Variants in MINDY4B observed in about 807,000 individuals in gnomAD.
MINDY4B encodes the protein inactive ubiquitin carboxyl-terminal hydrolase MINDY-4B.
A neutral mutation model predicts 16.7 loss-of-function variants in MINDY4B; 25 were observed. That is an observed-to-expected ratio of 1.49 (90% CI 1.09 to 2.09). MINDY4B has a LOEUF of 2.09. Among genes scored for constraint, MINDY4B ranks in the 30% most tolerant of loss-of-function variants. MINDY4B has a pLI of 0.00. For missense variants in MINDY4B, 327 were observed against 168.4 expected (o/e 1.94, Z -5.21); for synonymous variants, 132 against 61.9 (o/e 2.13, Z -5.32).
intron 10 of MINDY4B, 52 bp downstream of exon 10, chr3:150,882,845 T>C (rs1437674550): frequency 3.1e-6 from 2 of 651,812 alleles, no homozygotes; most frequent in African/African-American, 3.6e-5. Context: ...ACTTTTAAAC[T>C]GTTAAAATAT....
chr3:150,877,175 A>G (rs2107896184), intron 10 of MINDY4B, among the ~76,000 whole-genome samples: 2 of 152,312 alleles, frequency 1.3e-5, no homozygotes, highest in Middle Eastern at 6.8e-3. Context: ...AGGCAGCATT[A>G]CAGGATGGGT....
rs760739057 is a variant in MINDY4B, at chr3:150,883,035, A to G, written c.921T>C (p.Thr307=). The part of the protein sequence containing the change: ...CRQAVLNMIL[T]GRASPNVFNG... ...TGAAGACATTGGGACTTGCTCTTCC[A>G]GTTAAAATCATGTTCAGAACTGCCT... Residue 307 remains threonine, a synonymous_variant, in exon 10 of 12, where the codon ACT becomes ACC. Coordinates refer to ENST00000465419, the MANE Select transcript of MINDY4B (RefSeq NM_001351281.2). 1 of 701,852 alleles carries G rather than the reference A, an allele frequency of 1.4e-6. No homozygotes were observed. Among genetic ancestry groups the G allele is most frequent in the South Asian group, 1.5e-5 (1 of 67,510 alleles). The allele number at this position is 701,852 out of a possible 1,614,324, so 43.5% of individuals were successfully genotyped here. A position where few individuals can be genotyped will look rare whatever the true frequency, so the allele number is the denominator to read the frequency against.
intron 3 of MINDY4B, among the ~76,000 whole-genome samples, chr3:150,899,050 T>C (rs189563654): frequency 3.3e-5 from 5 of 152,322 alleles, no homozygotes; most frequent in South Asian, 2.1e-4. Context: ...CTAGACCAAC[T>C]AACAGAGTAG....
At chr3:150,874,769 A>G (rs1157658631) in intron 10 of MINDY4B, among the ~76,000 whole-genome samples, 1 of 152,226 alleles carries the variant, frequency 6.6e-6, no homozygotes, top group African/African-American at 2.4e-5. Context: ...CAAGTATTAA[A>G]GGCTAATAAC....
Position 150,902,948 on chromosome 3 carries a change from C to T in MINDY4B, c.309+301G>A, listed in dbSNP as rs530333292. 1.4e-4 allele frequency among the ~76,000 whole-genome samples: 21 copies of T among 152,260 alleles called. No homozygotes were observed. In the South Asian group the frequency reaches 4.4e-3, roughly 32 times the overall value. ...ACAGTCTGCCACTTAGAGAGTCTGT[C>T]CTATCCTACCTTCTATAGTGAGTTA... On this transcript the variant is annotated intron_variant, in intron 3 of 11. Coordinates refer to ENST00000465419, the MANE Select transcript of MINDY4B (RefSeq NM_001351281.2).
At chr3:150,904,244 T>G (rs1036414521) in intron 2 of MINDY4B, among the ~76,000 whole-genome samples, 1 of 152,246 alleles carries the variant, frequency 6.6e-6, no homozygotes, top group Non-Finnish European at 1.5e-5. Flanking sequence ...TTTTTTTCTT[T>G]TAAAGATTGT....
intron 6 of MINDY4B, chr3:150,890,617 C>T: frequency 4.1e-6 from 2 of 492,488 alleles, no homozygotes; most frequent in Non-Finnish European, 7.2e-6. Flanking sequence ...ATATCTTGAG[C>T]AGTAAAACTA....
At chr3:150,886,140 G>A (rs1711616451) in intron 7 of MINDY4B, among the ~76,000 whole-genome samples, 1 of 152,164 alleles carries the variant, frequency 6.6e-6, no homozygotes, top group African/African-American at 2.4e-5. Context: ...GCAATCTCTA[G>A]GATCAAATCT....
rs191426250 is a variant in MINDY4B, at chr3:150,892,813, G to A, written c.521+511C>T. The stretch of plus-strand genomic sequence containing the variant: ...AAAAAAAAAATACAAAAAATTAGCC[G>A]GGTGTAATCCCAGCTACTCAGGAGG... On this transcript the variant is annotated intron_variant, in intron 5 of 11. Coordinates refer to ENST00000465419, the MANE Select transcript of MINDY4B (RefSeq NM_001351281.2). Among the ~76,000 whole-genome samples the A allele has an allele frequency of 1.5e-4, 22 of 151,194 alleles. No individual in the cohort carries two copies. In the East Asian group the frequency reaches 2.1e-3, roughly 15 times the overall value.
chr3:150,883,582 T>G, intron 9 of MINDY4B, 118 bp downstream of exon 9: 1 of 639,932 alleles, frequency 1.6e-6, no homozygotes, highest in East Asian at 2.7e-5. Flanking sequence ...AGAGAATATA[T>G]TTAATTAGAA....
intron 7 of MINDY4B, among the ~76,000 whole-genome samples, chr3:150,887,440 C>T (rs1353138640): frequency 1.3e-5 from 2 of 152,224 alleles, no homozygotes; most frequent in African/African-American, 2.4e-5. Flanking sequence ...AGAGGGACTA[C>T]TGTATTAATA....
chr3:150,885,451 G>GAAAAT lies in MINDY4B; in HGVS notation c.754-14_754-13insATTTT, dbSNP rs1421605141. 1.5e-6 allele frequency: 1 copy of GAAAAT among 653,314 alleles called. No individual in the cohort carries two copies. Among genetic ancestry groups the GAAAAT allele is most frequent in the Non-Finnish European group, 2.8e-6 (1 of 361,514 alleles). 40.5% of individuals were successfully genotyped at this position (653,314 alleles called of 1,614,324 possible). ...CTTCCCCTCTGAACTGTTCGGAAAA[G>GAAAAT]AAAAGAAAAGCATGTTGGTCTAAAA... On this transcript the variant is annotated splice_polypyrimidine_tract_variant and intron_variant, in intron 7 of 11. Coordinates refer to ENST00000465419, the MANE Select transcript of MINDY4B (RefSeq NM_001351281.2).
chr3:150,879,505 T>G (rs35865179), intron 10 of MINDY4B, among the ~76,000 whole-genome samples: 2,612 of 152,314 alleles, frequency 0.017, 35 homozygotes, highest in African/African-American at 0.029. Flanking sequence ...CTGGTTGCAC[T>G]TTAGAATCAT....
intron 9 of MINDY4B, among the ~76,000 whole-genome samples, chr3:150,883,313 C>A (rs1045345875): frequency 6.6e-6 from 1 of 152,092 alleles, no homozygotes; most frequent in Non-Finnish European, 1.5e-5. Flanking sequence ...TTTTACAGTT[C>A]TTTTAAACGT....
intron 8 of MINDY4B, 68 bp from the exon 9 acceptor site, chr3:150,883,840 C>T (rs1205993846): frequency 2.9e-6 from 2 of 692,816 alleles, no homozygotes; most frequent in Non-Finnish European, 5.3e-6. Flanking sequence ...AGCTTCTTTT[C>T]CCCCAAAACA....
chr3:150,896,645 C>G (rs1224430667), intron 3 of MINDY4B, among the ~76,000 whole-genome samples: 2 of 152,196 alleles, frequency 1.3e-5, no homozygotes, highest in Non-Finnish European at 2.9e-5. Context: ...ATTGTTATCT[C>G]TCTTCTGGAT....
chr3:150,880,155 G>A (rs561090194), intron 10 of MINDY4B, among the ~76,000 whole-genome samples: 1 of 152,262 alleles, frequency 6.6e-6, no homozygotes, highest in Middle Eastern at 3.2e-3. Context: ...TGTTGTAAGT[G>A]AGGAAACAGG....
chr3:150,897,192 A>G lies in MINDY4B; in HGVS notation c.310-2887T>C, dbSNP rs550678081. ...CACAGACACACATCTCACACTCTGG[A>G]ACATGCCACACACCAGCCTGTTACC... On this transcript the variant is annotated intron_variant, in intron 3 of 11. Coordinates refer to ENST00000465419, the MANE Select transcript of MINDY4B (RefSeq NM_001351281.2). 5.3e-5 allele frequency among the ~76,000 whole-genome samples: 8 copies of G among 152,222 alleles called. No individual in the cohort carries two copies. In the East Asian group the frequency reaches 1.5e-3, roughly 29 times the overall value.
intron 3 of MINDY4B, among the ~76,000 whole-genome samples, chr3:150,895,356 T>C (rs981379357): frequency 6.6e-6 from 1 of 152,222 alleles, no homozygotes; most frequent in Admixed American, 6.5e-5. Flanking sequence ...AGGCTGAAGA[T>C]AGGGCCCCAA....
Sources: allele counts gnomAD v4.1 joint callset (sites outside exome capture counted in the v4.1 genomes callset), GRCh38; gene constraint gnomAD v4.1.1; transcripts MANE v1.5; gene names NCBI Gene and HGNC (gene_info 2026-07-23, HGNC 2026-07-21).